The following ERGIC1 variants were observed in gnomAD, a reference collection of about 807,000 sequenced individuals.
The protein encoded by ERGIC1 is endoplasmic reticulum-golgi intermediate compartment 1.
Under a neutral mutation model 38.3 loss-of-function variants are expected in ERGIC1, and 19 were observed. That is an observed-to-expected ratio of 0.50 (90% CI 0.35 to 0.73). ERGIC1 has a LOEUF of 0.73. Ranked by LOEUF, ERGIC1 falls within the 30% of genes least tolerant of loss-of-function variation. ERGIC1 has a pLI of 0.01. For missense variants in ERGIC1, 294 were observed against 389.2 expected, an observed-to-expected ratio of 0.76 and a Z score of 2.06; for synonymous variants, 124 against 157.6, an observed-to-expected ratio of 0.79 and a Z score of 1.60.
intron 1 of ERGIC1, among the ~76,000 whole-genome samples, chr5:172,845,094 A>G (rs1024886227): frequency 1.3e-5 from 2 of 152,098 alleles, no homozygotes; most frequent in Non-Finnish European, 2.9e-5. Context: ...TGATGCCGCT[A>G]AGTCCCAAGT....
At chr5:172,939,277 T>C (rs760699624) in intron 9 of ERGIC1, among the ~76,000 whole-genome samples, 9 of 152,156 alleles carry the variant, frequency 5.9e-5, no homozygotes, top group Non-Finnish European at 1.2e-4. Context: ...CTAGTGGAGA[T>C]GTGCGCCAGA....
intron 2 of ERGIC1, among the ~76,000 whole-genome samples, chr5:172,894,131 A>ATTTTTTT (rs1402232060): frequency 3.3e-5 from 1 of 30,040 alleles, no homozygotes; most frequent in Non-Finnish European, 6.3e-5. Flanking sequence ...TGCTGATGAT[A>ATTTTTTT]CTTTTTTTTT....
intron 1 of ERGIC1, among the ~76,000 whole-genome samples, chr5:172,878,461 T>C (rs1173536465): frequency 6.6e-6 from 1 of 152,198 alleles, no homozygotes; most frequent in African/African-American, 2.4e-5. Context: ...CTGTCTACCA[T>C]ACAGGGTTAT....
At chr5:172,890,992 G>C (rs566102170) in intron 2 of ERGIC1, among the ~76,000 whole-genome samples, 1 of 152,264 alleles carries the variant, frequency 6.6e-6, no homozygotes, top group Admixed American at 6.5e-5. Context: ...TGTTCGGGCA[G>C]AGCAAGGTTC....
intron 1 of ERGIC1, among the ~76,000 whole-genome samples, chr5:172,863,674 A>G (rs1761777453): frequency 6.6e-6 from 1 of 151,440 alleles, no homozygotes; most frequent in South Asian, 2.1e-4. Flanking sequence ...TCTTTAAAAA[A>G]AAAGAAAGAA....
chr5:172,881,872 A>C (rs1762292664), intron 1 of ERGIC1, among the ~76,000 whole-genome samples: 1 of 152,186 alleles, frequency 6.6e-6, no homozygotes, highest in Non-Finnish European at 1.5e-5. Flanking sequence ...GGTTTGCTGT[A>C]AGCACCCCTT....
rs749714546 is a variant in ERGIC1, at chr5:172,914,790, G to A, written c.327G>A (p.Leu109=). The change falls in exon 5 of 10, where the codon CTG becomes CTA. Residue 109 remains leucine, a synonymous_variant. Coordinates refer to ENST00000393784, the MANE Select transcript of ERGIC1 (RefSeq NM_001031711.3). ...GHIDNSMKIP[L]NNGAGCRFEG... ...TCGACAACTCCATGAAGATCCCGCT[G>A]AACAATGGGGCAGGCTGCCGCTTCG... The A allele has an allele frequency of 2.5e-6, 4 of 1,614,086 alleles. No homozygotes were observed. The African/African-American group carries it at 5.3e-5, about 22-fold the overall frequency.
intron 5 of ERGIC1, among the ~76,000 whole-genome samples, chr5:172,920,100 T>G (rs1192206517): frequency 6.6e-6 from 1 of 152,176 alleles, no homozygotes; most frequent in East Asian, 1.9e-4. Flanking sequence ...CCCAACATCT[T>G]GGTTACACAT....
chr5:172,903,498 C>T (rs1762938082), intron 3 of ERGIC1, among the ~76,000 whole-genome samples: 1 of 152,184 alleles, frequency 6.6e-6, no homozygotes. Flanking sequence ...CAGATCCTGC[C>T]TCTGCCTCCT....
Position 172,935,420 on chromosome 5 carries a change from T to A in ERGIC1, c.765+110T>A, listed in dbSNP as rs1009130207. 1.1e-5 allele frequency: 16 copies of A among 1,488,742 alleles called. No individual in the cohort carries two copies. The African/African-American group carries it at 2.2e-4, about 21-fold the overall frequency. 92.2% of individuals were successfully genotyped at this position (1,488,742 alleles called of 1,614,324 possible). On this transcript the variant is annotated intron_variant, in intron 9 of 9. Coordinates refer to ENST00000393784, the MANE Select transcript of ERGIC1 (RefSeq NM_001031711.3). ...GTTCTCGCTGAAACAGGAGGCAGCC[T>A]GCAGGGCTAGGGGCTCTGGCTGGGC...
intron 9 of ERGIC1, among the ~76,000 whole-genome samples, chr5:172,947,456 GC>G (rs1400034983): frequency 6.6e-6 from 1 of 152,214 alleles, no homozygotes; most frequent in Non-Finnish European, 1.5e-5. Context: ...ACAGGCATGA[GC>G]CACTGTGCCC....
intron 9 of ERGIC1, among the ~76,000 whole-genome samples, chr5:172,948,224 C>T (rs1045130938): frequency 6.6e-6 from 1 of 152,248 alleles, no homozygotes; most frequent in African/African-American, 2.4e-5. Flanking sequence ...TACCCTGCCA[C>T]CCATCCATAC....
intron 9 of ERGIC1, among the ~76,000 whole-genome samples, chr5:172,942,822 T>G (rs1018667550): frequency 6.6e-6 from 1 of 152,058 alleles, no homozygotes. Context: ...ACCAGGCTGG[T>G]TTTTATAGTT....
rs1191189327 is a variant in ERGIC1, at chr5:172,893,868, GATATATATATATATAT to G, written c.83-3111_83-3096del. On this transcript the variant is annotated intron_variant, in intron 2 of 9. Transcript: ENST00000393784. ...CATTACGCTGCTGTTCACTTAGGGGGATATATATATATATATATATATATATATATATATATATGTG... is the reference window on the plus strand; with the variant it reads ...CATTACGCTGCTGTTCACTTAGGGGGATATATATATATATATATATATGTG... 6.7e-4 allele frequency among the ~76,000 whole-genome samples: 19 copies of G among 28,252 alleles called. 2 individuals are homozygous for G. In the South Asian group the frequency reaches 9.3e-3, roughly 14 times the overall value. The allele number at this position is 28,252 out of a possible 152,430, so 18.5% of individuals were successfully genotyped here.
At chr5:172,945,693 A>G (rs1764106852) in intron 9 of ERGIC1, among the ~76,000 whole-genome samples, 1 of 151,802 alleles carries the variant, frequency 6.6e-6, no homozygotes, top group Non-Finnish European at 1.5e-5. Context: ...ATTTTTATGT[A>G]TTTATTTTGG....
chr5:172,899,311 C>CTTTT (rs34478179), intron 3 of ERGIC1, among the ~76,000 whole-genome samples: 86 of 82,806 alleles, frequency 1.0e-3, no homozygotes, highest in African/African-American at 2.0e-3. Context: ...GGAGTTACTT[C>CTTTT]TTTTTTTTTT....
rs1764177594 is a variant in ERGIC1, at chr5:172,949,036, G to C, written c.766-1673G>C. On this transcript the variant is annotated intron_variant, in intron 9 of 9. Coordinates refer to ENST00000393784, the MANE Select transcript of ERGIC1 (RefSeq NM_001031711.3). ...CCACTACACTGCAGCCTGGGTGACAGAGTGAGACCCTGTCCCTACAAATAA... is the reference window on the plus strand; with the variant it reads ...CCACTACACTGCAGCCTGGGTGACACAGTGAGACCCTGTCCCTACAAATAA... Among the ~76,000 whole-genome samples the C allele has an allele frequency of 3.3e-5, 5 of 152,196 alleles. No individual in the cohort carries two copies. The South Asian group carries it at 1.0e-3, about 31-fold the overall frequency.
chr5:172,936,800 C>T (rs1260804489), intron 9 of ERGIC1: 1 of 152,352 alleles, frequency 6.6e-6, no homozygotes, highest in Non-Finnish European at 1.5e-5. Flanking sequence ...GAGTTTGAAA[C>T]CAGCCTGGGC....
At chr5:172,886,962 G>T (rs1458245875) in intron 1 of ERGIC1, among the ~76,000 whole-genome samples, 9 of 152,178 alleles carry the variant, frequency 5.9e-5, no homozygotes, top group African/African-American at 2.2e-4. Flanking sequence ...CCCAGCCCCA[G>T]CTTCTAGTAC....
Sources: gnomAD v4.1 joint callset for allele counts (sites outside exome capture counted in the v4.1 genomes callset) on GRCh38, gnomAD v4.1.1 for gene constraint, MANE v1.5 for transcripts, NCBI Gene and HGNC (gene_info 2026-07-23, HGNC 2026-07-21) for gene names.